CCDC88A: variants seen among roughly 807,000 people sequenced by gnomAD.
CCDC88A encodes the protein girdin.
In CCDC88A, 54 loss-of-function variants were observed where a neutral mutation model predicts 234.3. The ratio of observed to expected loss-of-function variants is 0.23; its 90% CI spans 0.19 to 0.29. The LOEUF (loss-of-function observed/expected upper bound fraction) is 0.29. Ranked by LOEUF, CCDC88A falls within the 10% of genes least tolerant of loss-of-function variation. The probability of loss-of-function intolerance (pLI) is 1.00; values close to 1 mark genes in which losing one functional copy is unlikely to be tolerated. For synonymous variants in CCDC88A, 753 were observed against 737.8 expected (o/e 1.02, Z -0.33); for missense variants, 1,832 against 2,123.4 (o/e 0.86, Z 2.70).
At position 55,317,639 on chromosome 2, in the gene CCDC88A, G is replaced by T; in HGVS notation, c.3527C>A (p.Ser1176Tyr). 6.2e-7 allele frequency: 1 copy of T among 1,612,176 alleles called. No individual in the cohort carries two copies. The highest frequency in any genetic ancestry group is 1.7e-4 in the Middle Eastern group (1 of 6,056). Residue 1176 changes from serine (S) to tyrosine (Y), a missense_variant, in exon 20 of 33, where the codon TCT becomes TAT. This residue lies in a region of CCDC88A where 1,282 missense variants were observed against 1,543.6 expected (regional missense o/e 0.83). Transcript: ENST00000436346. This position sits in a 1 kb window ranked among gnomAD's most constrained non-coding sequence, Gnocchi z 4.2. Reference protein sequence around the residue: ...LHERQASEYESLISKHGTLKS... With the variant: ...LHERQASEYEYLISKHGTLKS... ...CAGAGTTCCATGTTTAGAGATAAGA[G>T]ATTCATACTCTGAAGCCTGACGTTC...
At chr2:55,386,015 G>T (rs1375632332) in intron 3 of CCDC88A, among the ~76,000 whole-genome samples, 1 of 151,676 alleles carries the variant, frequency 6.6e-6, no homozygotes, top group Non-Finnish European at 1.5e-5. Context: ...CCTGAGGTCA[G>T]GAGTTCAAGA....
At chr2:55,296,137 T>C in intron 30 of CCDC88A, 81 bp from the exon 31 acceptor site, 2 of 1,320,380 alleles carry the variant, frequency 1.5e-6, no homozygotes, top group East Asian at 4.8e-5. Flanking sequence ...CTGTGCAATA[T>C]AAAATTGTGG....
At chr2:55,407,279 G>A (rs1408310449) in intron 2 of CCDC88A, among the ~76,000 whole-genome samples, 2 of 151,888 alleles carry the variant, frequency 1.3e-5, no homozygotes, top group Non-Finnish European at 2.9e-5. Flanking sequence ...ATCTCACAAA[G>A]TCTGATTTTT....
intron 7 of CCDC88A, chr2:55,356,913 AT>A (rs1360107987): frequency 6.6e-6 from 1 of 152,282 alleles, no homozygotes; most frequent in Non-Finnish European, 1.5e-5. Context: ...TCTCAAAAAA[AT>A]AAAATAAAAT....
intron 21 of CCDC88A, among the ~76,000 whole-genome samples, chr2:55,316,726 T>G (rs1056022510): frequency 3.3e-5 from 5 of 151,880 alleles, no homozygotes; most frequent in African/African-American, 9.7e-5. Flanking sequence ...AAGAGTAAGA[T>G]CCTATCTCTC....
intron 6 of CCDC88A, 40 bp from the exon 7 acceptor site, chr2:55,362,488 C>T (rs746706449): frequency 6.4e-7 from 1 of 1,561,856 alleles, no homozygotes; most frequent in Non-Finnish European, 8.7e-7. Flanking sequence ...AAAAAAGTGG[C>T]TAATACTTAA....
At chr2:55,408,299 A>G (rs1679937086) in intron 2 of CCDC88A, among the ~76,000 whole-genome samples, 1 of 151,926 alleles carries the variant, frequency 6.6e-6, no homozygotes, top group Admixed American at 6.6e-5. Context: ...CTTCATTCTT[A>G]TTACAACTCT....
chr2:55,324,518 A>G (rs973384432), intron 17 of CCDC88A, among the ~76,000 whole-genome samples: 18 of 152,154 alleles, frequency 1.2e-4, no homozygotes, highest in African/African-American at 4.3e-4. Context: ...CCATGTGTTG[A>G]GTGCATCAGT....
chr2:55,345,897 C>T lies in CCDC88A; in HGVS notation c.1041+278G>A, dbSNP rs189100308. 1.3e-4 allele frequency: 31 copies of T among 235,654 alleles called. No homozygotes were observed. The East Asian group carries it at 2.1e-3, about 16-fold the overall frequency. 14.6% of individuals were successfully genotyped at this position (235,654 alleles called of 1,614,324 possible). A position where few individuals can be genotyped will look rare whatever the true frequency, so the allele number is the denominator to read the frequency against. On this transcript the variant is annotated intron_variant, in intron 10 of 32. Coordinates refer to ENST00000436346, the MANE Select transcript of CCDC88A (RefSeq NM_001365480.1). ...GAAATAGAAGTAAATATTTTGACTA[C>T]AAGGGAAGGACTTCAAAGGTCTGCT...
intron 28 of CCDC88A, 168 bp from the exon 29 acceptor site, chr2:55,300,087 T>A: frequency 1.7e-6 from 1 of 575,750 alleles, no homozygotes; most frequent in Non-Finnish European, 3.1e-6. Flanking sequence ...TTGAGACACT[T>A]TAGAATAGGA....
chr2:55,365,227 G>C lies in CCDC88A; in HGVS notation c.403-1194C>G, dbSNP rs1034595649. 2.6e-5 allele frequency among the ~76,000 whole-genome samples: 4 copies of C among 152,094 alleles called. 1 individual carries two copies. The highest frequency in any genetic ancestry group is 2.6e-4 in the Admixed American group (4 of 15,250). On this transcript the variant is annotated intron_variant, in intron 5 of 32. Transcript: ENST00000436346. ...TTTTGGGTGGATGGAATAAAACTTA[G>C]TGGGTTTAAACTCAAGAATTTTTTT... is the stretch of plus-strand genomic sequence containing the variant.
rs12996174 is a variant in CCDC88A, at chr2:55,401,486, G to A, written c.165-12600C>T. On this transcript the variant is annotated intron_variant, in intron 2 of 32. Coordinates refer to ENST00000436346, the MANE Select transcript of CCDC88A (RefSeq NM_001365480.1). ...TATATACATATGTGTGTGTATGTAT[G>A]TGTGTGTGTATACATATATATATAT... is the stretch of plus-strand genomic sequence containing the variant. 1.4e-4 allele frequency among the ~76,000 whole-genome samples: 3 copies of A among 22,218 alleles called. 1 individual carries two copies. Among genetic ancestry groups the A allele is most frequent in the African/African-American group, 4.2e-4 (3 of 7,158 alleles). The allele number at this position is 22,218 out of a possible 152,430, so 14.6% of individuals were successfully genotyped here. A position where few individuals can be genotyped will look rare whatever the true frequency, so the allele number is the denominator to read the frequency against.
chr2:55,415,971 A>C (rs1039073160), intron 2 of CCDC88A, among the ~76,000 whole-genome samples: 4 of 152,064 alleles, frequency 2.6e-5, no homozygotes, highest in African/African-American at 9.7e-5. Flanking sequence ...ACAAGCTAAA[A>C]TTTCAAATGA....
At position 55,295,710 on chromosome 2, in the gene CCDC88A, T is replaced by C; in HGVS notation, c.5438A>G (p.Glu1813Gly). Residue 1813 changes from glutamate (E) to glycine (G), a missense_variant, in exon 31 of 33, where the codon GAA becomes GGA. Physicochemically the swap from Glu to Gly is moderately conservative, Grantham distance 98. This residue lies in a region of CCDC88A where 422 missense variants were observed against 416.5 expected (regional missense o/e 1.01). Transcript: ENST00000436346. The stretch of plus-strand genomic sequence containing the variant: ...GATGCTTGTCCTTCGTGTAGTTCCT[T>C]CGGCAGTTGAGATCACGCTGCTTGC... ...PRASSVISTA[E>G]GTTRRTSIHD... The C allele has an allele frequency of 1.2e-6, 2 of 1,614,190 alleles. No homozygotes were observed.
At chr2:55,372,403 A>G (rs1672980567) in intron 5 of CCDC88A, 49 bp downstream of exon 5, 1 of 905,306 alleles carries the variant, frequency 1.1e-6, no homozygotes, top group African/African-American at 1.7e-5. Context: ...TGATAAAAAT[A>G]TATAAAGAGG....
intron 31 of CCDC88A, 50 bp from the exon 32 acceptor site, chr2:55,291,825 A>C: frequency 7.1e-7 from 1 of 1,415,040 alleles, no homozygotes; most frequent in South Asian, 1.2e-5. Flanking sequence ...GAAACAAAAT[A>C]CAATTCAGAA....
At chr2:55,352,474 T>C (rs1402144666) in intron 8 of CCDC88A, among the ~76,000 whole-genome samples, 1 of 151,826 alleles carries the variant, frequency 6.6e-6, no homozygotes, top group African/African-American at 2.4e-5. Context: ...AATTGGTGTG[T>C]GATGACTGTA....
chr2:55,370,273 C>T (rs1672620711), intron 5 of CCDC88A, among the ~76,000 whole-genome samples: 1 of 152,124 alleles, frequency 6.6e-6, no homozygotes, highest in African/African-American at 2.4e-5. Context: ...ATGATGTTAA[C>T]ATAGGTTAGA....
At chr2:55,388,961 T>C (rs1676152850) in intron 2 of CCDC88A, 75 bp from the exon 3 acceptor site, 3 of 390,280 alleles carry the variant, frequency 7.7e-6, no homozygotes, top group Non-Finnish European at 9.0e-6. Context: ...AAATTAATCA[T>C]ATAATACTTT....
Sources: gnomAD v4.1 joint callset for allele counts (sites outside exome capture counted in the v4.1 genomes callset) on GRCh38, gnomAD v4.1.1 for gene constraint, gnomAD v4.1.1 regional missense constraint, Gnocchi (gnomAD v3.1) non-coding constraint, MANE v1.5 for transcripts, NCBI Gene and HGNC (gene_info 2026-07-23, HGNC 2026-07-21) for gene names.